CSMD1: variants seen among roughly 807,000 people sequenced by gnomAD.
The protein encoded by CSMD1 is CUB and sushi domain-containing protein 1.
A neutral mutation model predicts 417.5 loss-of-function variants in CSMD1; 213 were observed. The ratio of observed to expected loss-of-function variants is 0.51; its 90% CI spans 0.46 to 0.57. The LOEUF is 0.57. Among genes scored for constraint, CSMD1 ranks in the 20% least tolerant of loss-of-function variants. CSMD1 has a pLI of 0.00. For missense variants in CSMD1, 6,923 were observed against 4,529.7 expected (o/e 1.53, Z -15.17); for synonymous variants, 2,862 against 1,736.8 (o/e 1.65, Z -16.11).
intron 1 of CSMD1, among the ~76,000 whole-genome samples, chr8:4,941,158 T>G (rs750747165): frequency 6.6e-5 from 10 of 152,314 alleles, no homozygotes; most frequent in Non-Finnish European, 1.0e-4. Context: ...ATTGGATCAC[T>G]CAATAAATAT....
At chr8:3,396,028 C>A (rs1297504876) in intron 17 of CSMD1, among the ~76,000 whole-genome samples, 166 bp downstream of exon 17, 1 of 152,160 alleles carries the variant, frequency 6.6e-6, no homozygotes, top group Admixed American at 6.5e-5. Context: ...AAGATGCTCT[C>A]TTATGAATAA....
intron 5 of CSMD1, among the ~76,000 whole-genome samples, chr8:3,787,390 C>G (rs1221492679): frequency 6.6e-6 from 1 of 152,034 alleles, no homozygotes; most frequent in African/African-American, 2.4e-5. Context: ...AGCAGATAAC[C>G]AGGATTCTCC....
intron 4 of CSMD1, 127 bp from the exon 5 acceptor site, chr8:3,998,237 C>A (rs914523868): frequency 4.1e-6 from 3 of 724,596 alleles, no homozygotes; most frequent in Non-Finnish European, 6.7e-6. Flanking sequence ...GACACTCAAT[C>A]TGAAAAAGAA....
chr8:4,047,413 T>A (rs1798203166), intron 3 of CSMD1, among the ~76,000 whole-genome samples: 1 of 152,074 alleles, frequency 6.6e-6, no homozygotes, highest in African/African-American at 2.4e-5. Context: ...GCGGAAAAAA[T>A]AAATTGAAAT....
At chr8:4,053,997 G>C (rs1414448647) in intron 3 of CSMD1, among the ~76,000 whole-genome samples, 1 of 152,146 alleles carries the variant, frequency 6.6e-6, no homozygotes, top group African/African-American at 2.4e-5. Context: ...AAGAACCTGA[G>C]ATGTAATTGT....
At chr8:3,982,199 A>ATTAAT in intron 5 of CSMD1, among the ~76,000 whole-genome samples, 1 of 142,440 alleles carries the variant, frequency 7.0e-6, no homozygotes, top group East Asian at 2.1e-4. Flanking sequence ...ATATTAATAA[A>ATTAAT]AAAAATAATA....
At chr8:4,373,701 C>T (rs1352685023) in intron 3 of CSMD1, among the ~76,000 whole-genome samples, 3 of 152,124 alleles carry the variant, frequency 2.0e-5, no homozygotes, top group East Asian at 3.9e-4. Flanking sequence ...TAGAAGGAAA[C>T]ATTTCTATAC....
intron 26 of CSMD1, among the ~76,000 whole-genome samples, chr8:3,281,809 T>C (rs112789080): frequency 2.0e-5 from 3 of 152,284 alleles, no homozygotes; most frequent in Non-Finnish European, 2.9e-5. Context: ...CCATGTTGAA[T>C]TGTAATCCCC....
intron 1 of CSMD1, among the ~76,000 whole-genome samples, chr8:4,966,931 T>G (rs556949071): frequency 7.5e-4 from 114 of 152,294 alleles, no homozygotes; most frequent in African/African-American, 2.7e-3. Context: ...GGCAATCCAG[T>G]GTTGCAAATT....
chr8:4,656,790 C>A (rs1804261371), intron 1 of CSMD1, among the ~76,000 whole-genome samples: 1 of 152,032 alleles, frequency 6.6e-6, no homozygotes, highest in African/African-American at 2.4e-5. Context: ...AAAGGACCGT[C>A]CTGCGGGGAT....
chr8:4,405,043 A>T (rs1426248701), intron 3 of CSMD1, among the ~76,000 whole-genome samples: 1 of 152,248 alleles, frequency 6.6e-6, no homozygotes, highest in African/African-American at 2.4e-5. Context: ...GCATGTCGTG[A>T]CTATGCTGGA....
At chr8:4,281,496 G>A (rs567869372) in intron 3 of CSMD1, among the ~76,000 whole-genome samples, 6 of 152,296 alleles carry the variant, frequency 3.9e-5, no homozygotes, top group African/African-American at 1.4e-4. Context: ...AATTTCTGAA[G>A]TTTTACTGAA....
At chr8:4,364,474 A>C (rs978251706) in intron 3 of CSMD1, among the ~76,000 whole-genome samples, 3 of 152,184 alleles carry the variant, frequency 2.0e-5, no homozygotes, top group Non-Finnish European at 2.9e-5. Context: ...TTAGTAATAC[A>C]ATTTCCTCTC....
At chr8:4,806,109 C>CA (rs1798570738) in intron 1 of CSMD1, among the ~76,000 whole-genome samples, 1 of 152,134 alleles carries the variant, frequency 6.6e-6, no homozygotes, top group Non-Finnish European at 1.5e-5. Context: ...ATGAACCCAG[C>CA]AAAAACGTTT....
At chr8:4,129,473 G>T (rs923395918) in intron 3 of CSMD1, among the ~76,000 whole-genome samples, 3 of 152,174 alleles carry the variant, frequency 2.0e-5, no homozygotes, top group African/African-American at 7.2e-5. Context: ...AAATTGTGAA[G>T]TTTTGTATTG....
chr8:3,830,581 G>A lies in CSMD1; in HGVS notation c.819-76539C>T, dbSNP rs996559376. Among the ~76,000 whole-genome samples, 14 of 152,118 alleles carry A rather than the reference G, an allele frequency of 9.2e-5. 1 individual carries two copies. The highest frequency in any genetic ancestry group is 2.1e-4 in the Non-Finnish European group (14 of 68,038). On this transcript the variant is annotated intron_variant, in intron 5 of 69. Transcript: ENST00000635120. ...AACCCTCCAATAAGTTATTATTGAAGAATGATTGTTTGCAAGCAACACTGG... is the reference window on the plus strand; with the variant it reads ...AACCCTCCAATAAGTTATTATTGAAAAATGATTGTTTGCAAGCAACACTGG...
intron 3 of CSMD1, among the ~76,000 whole-genome samples, chr8:4,141,300 C>T (rs1365381283): frequency 1.3e-5 from 2 of 151,008 alleles, no homozygotes; most frequent in Non-Finnish European, 1.5e-5. Context: ...TCCGTAATTC[C>T]CAAGATGGAA....
chr8:4,227,467 G>A (rs1205496340), intron 3 of CSMD1, among the ~76,000 whole-genome samples: 3 of 152,104 alleles, frequency 2.0e-5, no homozygotes, highest in Admixed American at 2.0e-4. Context: ...AACAAGAAAA[G>A]TTTCTGAGGA....
chr8:3,964,467 C>T (rs1285999380), intron 5 of CSMD1, among the ~76,000 whole-genome samples: 3 of 152,084 alleles, frequency 2.0e-5, no homozygotes, highest in Non-Finnish European at 4.4e-5. Context: ...TGCTGGTATG[C>T]CTCATTTTGC....
Sources: gnomAD v4.1 joint callset for allele counts (sites outside exome capture counted in the v4.1 genomes callset) on GRCh38, gnomAD v4.1.1 for gene constraint, MANE v1.5 for transcripts, NCBI Gene and HGNC (gene_info 2026-07-23, HGNC 2026-07-21) for gene names.